The following ZNF697 variants were observed in gnomAD, a reference collection of about 807,000 sequenced individuals.
The protein encoded by ZNF697 is zinc finger protein 697.
Under a neutral mutation model 32.4 loss-of-function variants are expected in ZNF697, and 23 were observed. That is an observed-to-expected ratio of 0.71 (90% CI 0.51 to 1.01). The LOEUF (loss-of-function observed/expected upper bound fraction) is 1.01. Ranked by LOEUF, ZNF697 falls within the 50% of genes least tolerant of loss-of-function variation. ZNF697 has a pLI of 0.00. For synonymous variants in ZNF697, 418 were observed against 337.2 expected, an observed-to-expected ratio of 1.24 and a Z score of -2.62; for missense variants, 930 against 794.0, an observed-to-expected ratio of 1.17 and a Z score of -2.06.
chr1:119,626,336 T>G (rs1043508127), intron 1 of ZNF697, among the ~76,000 whole-genome samples, 199 bp from the exon 2 acceptor site: 2 of 152,284 alleles, frequency 1.3e-5, no homozygotes, highest in Admixed American at 6.5e-5. Context: ...AGTGACAACC[T>G]CACTATGAGG....
At chr1:119,634,023 C>A (rs1648854227) in intron 1 of ZNF697, among the ~76,000 whole-genome samples, 1 of 152,196 alleles carries the variant, frequency 6.6e-6, no homozygotes, top group Admixed American at 6.5e-5. Context: ...GTTAAGACTG[C>A]ACCAGGGGTT....
In ZNF697 at chr1:119,623,170, G is replaced by A; in HGVS notation, c.1173C>T (p.Ser391=). 6.4e-7 allele frequency: 1 copy of A among 1,568,050 alleles called. No homozygotes were observed. Among genetic ancestry groups the A allele is most frequent in the Non-Finnish European group, 8.7e-7 (1 of 1,153,438 alleles). ...HGCGECGKRF[S]WRSDLVKHQR... is the part of the protein sequence containing the mutation. ...GGTGCTTCACCAAGTCCGAGCGCCA[G>A]CTGAAGCGCTTGCCGCACTCGCCAC... Residue 391 remains serine, a synonymous_variant, in exon 3 of 3, where the codon AGC becomes AGT. Transcript: ENST00000421812.
chr1:119,645,249 A>G (rs190148274), intron 1 of ZNF697, among the ~76,000 whole-genome samples: 2 of 152,340 alleles, frequency 1.3e-5, no homozygotes, highest in African/African-American at 4.8e-5. Context: ...TCACAGGTCT[A>G]TGAGAAAGGC....
rs1044080022 is a variant in ZNF697 at position 119,620,663 on chromosome 1, A to G, written c.*2042T>C. On this transcript the variant is annotated 3_prime_UTR_variant, in exon 3 of 3. Transcript: ENST00000421812. ...TTTCAAAACTGTCTGTAGTTTGAAAACCTATTTGCATTTGTGAATAACAAT... is the reference window on the plus strand; with the variant it reads ...TTTCAAAACTGTCTGTAGTTTGAAAGCCTATTTGCATTTGTGAATAACAAT... 2 of 152,614 alleles carry G rather than the reference A, an allele frequency of 1.3e-5. No homozygotes were observed. The highest frequency in any genetic ancestry group is 2.9e-5 in the Non-Finnish European group (2 of 68,036). The allele number at this position is 152,614 out of a possible 1,614,324, so 9.5% of individuals were successfully genotyped here.
chr1:119,629,847 A>G (rs1201053549), intron 1 of ZNF697, among the ~76,000 whole-genome samples: 1 of 152,236 alleles, frequency 6.6e-6, no homozygotes, highest in African/African-American at 2.4e-5. Flanking sequence ...ACAACTCACC[A>G]TGTGGATACA....
intron 2 of ZNF697, among the ~76,000 whole-genome samples, chr1:119,624,671 T>G (rs587674731): frequency 1.3e-5 from 2 of 152,180 alleles, no homozygotes; most frequent in African/African-American, 4.8e-5. Flanking sequence ...CTTGGCTCAC[T>G]GCAACCTCCG....
chr1:119,635,886 A>G (rs1203609459), intron 1 of ZNF697, among the ~76,000 whole-genome samples: 2 of 152,146 alleles, frequency 1.3e-5, no homozygotes, highest in Non-Finnish European at 2.9e-5. Context: ...ATTGCTTCAT[A>G]TCACACTACG....
At chr1:119,625,075 C>T (rs1247530206) in intron 2 of ZNF697, among the ~76,000 whole-genome samples, 1 of 151,818 alleles carries the variant, frequency 6.6e-6, no homozygotes, top group Non-Finnish European at 1.5e-5. Context: ...GGACACACAC[C>T]TGTTGGTCTC....
At chr1:119,645,410 A>G (rs1440884920) in intron 1 of ZNF697, among the ~76,000 whole-genome samples, 3 of 152,234 alleles carry the variant, frequency 2.0e-5, no homozygotes, top group Non-Finnish European at 2.9e-5. Flanking sequence ...AAATAATACA[A>G]ATTACCAAGG....
intron 1 of ZNF697, among the ~76,000 whole-genome samples, chr1:119,638,167 C>G (rs1467200225): frequency 6.6e-6 from 1 of 152,186 alleles, no homozygotes; most frequent in Non-Finnish European, 1.5e-5. Flanking sequence ...ATTATATTTT[C>G]TCCTGCAATG....
In ZNF697 at chr1:119,620,013, GAAAC is replaced by G. The variant is rs3835255; in HGVS notation, c.*2688_*2691del. Reference sequence around the variant, plus strand: ...AATATTATTCTAAAACTAGATAGAAGAAACAAACAACCTCCTGAATGCATTTAAC... The same window carrying G: ...AATATTATTCTAAAACTAGATAGAAGAAACAACCTCCTGAATGCATTTAAC... On this transcript the variant is annotated 3_prime_UTR_variant, in exon 3 of 3. Transcript: ENST00000421812. 0.67 allele frequency: 102,359 copies of G among 152,056 alleles called. 35,207 individuals carry two copies. The highest frequency in any genetic ancestry group is 0.82 in the African/African-American group (34,014 of 41,332). The allele number at this position is 152,056 out of a possible 1,614,324, so 9.4% of individuals were successfully genotyped here.
Position 119,619,641 on chromosome 1 carries a change from A to G in ZNF697, c.*3064T>C, listed in dbSNP as rs587653749. The G allele has an allele frequency of 4.6e-5, 7 of 152,796 alleles. No homozygotes were observed. The highest frequency in any genetic ancestry group is 6.8e-3 in the Middle Eastern group (2 of 294). 9.5% of individuals were successfully genotyped at this position (152,796 alleles called of 1,614,324 possible). On this transcript the variant is annotated 3_prime_UTR_variant, in exon 3 of 3. Transcript: ENST00000421812. ...AACATTACAGTGAAGAAAAATGTGC[A>G]CAAACTTCAGAAACACAGTTTAGAT...
intron 1 of ZNF697, among the ~76,000 whole-genome samples, chr1:119,643,698 C>T (rs990023134): frequency 1.1e-4 from 17 of 152,132 alleles, no homozygotes; most frequent in Non-Finnish European, 1.6e-4. Context: ...ATGTGCATGA[C>T]ATCTGAGAGA....
rs899238933 is a variant in ZNF697 at position 119,648,217 on chromosome 1, G to T, written c.-564C>A. 7.5e-4 allele frequency among the ~76,000 whole-genome samples: 114 copies of T among 151,606 alleles called. 2 individuals are homozygous for T. Among genetic ancestry groups the T allele is most frequent in the African/African-American group, 2.6e-3 (106 of 41,298 alleles). On this transcript the variant is annotated 5_prime_UTR_variant, in exon 1 of 3. Coordinates refer to ENST00000421812, the MANE Select transcript of ZNF697 (RefSeq NM_001080470.2). ...GGCTGGCTGGTTGGCTGGCTGGCTG[G>T]CTGGCTGGCTGGCTGGCTCGCTGGC...
At chr1:119,631,521 C>T (rs1324545817) in intron 1 of ZNF697, among the ~76,000 whole-genome samples, 1 of 152,232 alleles carries the variant, frequency 6.6e-6, no homozygotes, top group African/African-American at 2.4e-5. Context: ...CGAAGCAGCG[C>T]GGGCCGCACC....
chr1:119,634,998 G>A (rs940443474), intron 1 of ZNF697, among the ~76,000 whole-genome samples: 11 of 152,120 alleles, frequency 7.2e-5, no homozygotes, highest in East Asian at 1.9e-4. Context: ...CATAACTCCC[G>A]GACAAAGGGG....
chr1:119,633,064 G>A (rs1237771653), intron 1 of ZNF697, among the ~76,000 whole-genome samples: 1 of 152,162 alleles, frequency 6.6e-6, no homozygotes, highest in Non-Finnish European at 1.5e-5. Flanking sequence ...TGGCTCAAAT[G>A]TTCCATGTTT....
chr1:119,629,498 G>A (rs1648701449), intron 1 of ZNF697, among the ~76,000 whole-genome samples: 1 of 152,182 alleles, frequency 6.6e-6, no homozygotes, highest in South Asian at 2.1e-4. Flanking sequence ...ACCTGGGTTT[G>A]AATCCTCTGC....
In ZNF697 at chr1:119,635,798, C is replaced by T. The variant is rs367886448; in HGVS notation, c.-37-9661G>A. ...GAACTCTGACAGGAACAGTACTTTA[C>T]TAGCCCAAACTGAGAACTTTTAAAT... is the stretch of plus-strand genomic sequence containing the variant. On this transcript the variant is annotated intron_variant, in intron 1 of 2. Transcript: ENST00000421812. 6.7e-3 allele frequency among the ~76,000 whole-genome samples: 1,015 copies of T among 152,056 alleles called. 12 individuals are homozygous for T. Among genetic ancestry groups the T allele is most frequent in the African/African-American group, 0.023 (953 of 41,460 alleles).
Sources: allele counts gnomAD v4.1 joint callset (sites outside exome capture counted in the v4.1 genomes callset), GRCh38; gene constraint gnomAD v4.1.1; transcripts MANE v1.5; gene names NCBI Gene and HGNC (gene_info 2026-07-23, HGNC 2026-07-21).